The following ZNF665 variants were observed in gnomAD, a reference collection of about 807,000 sequenced individuals.
ZNF665 encodes the protein zinc finger protein 665.
A neutral mutation model predicts 7.9 loss-of-function variants in ZNF665; 6 were observed. The observed-to-expected ratio is 0.76, with a 90% CI of 0.42 to 1.50. The LOEUF (loss-of-function observed/expected upper bound fraction) is 1.50, where lower values mean the gene tolerates loss of function less well. Among genes scored for constraint, ZNF665 ranks in the 40% most tolerant of loss-of-function variants. The pLI is 0.01. For synonymous variants in ZNF665, 242 were observed against 274.5 expected (o/e 0.88, Z 1.17); for missense variants, 819 against 806.7 (o/e 1.02, Z -0.18).
chr19:53,180,881 C>G (rs1167747014), intron 2 of ZNF665: 1 of 151,918 alleles, frequency 6.6e-6, no homozygotes, highest in Non-Finnish European at 1.5e-5. Flanking sequence ...TAACAAAAGC[C>G]CAATGGAGGT....
chr19:53,191,411 C>T lies in ZNF665; in HGVS notation c.-46+1901G>A, dbSNP rs116521127. On this transcript the variant is annotated intron_variant, in intron 1 of 3. Transcript: ENST00000396424. ...TAACTGAATGAGTCAAGTCACTGCT[C>T]TCTTAGAACAGAGATTGCAAATAGA... Among the ~76,000 whole-genome samples the T allele has an allele frequency of 6.6e-3, 1,006 of 152,326 alleles. 9 individuals are homozygous for T. The highest frequency in any genetic ancestry group is 0.023 in the African/African-American group (956 of 41,572).
chr19:53,172,302 G>A (rs1033388013), intron 3 of ZNF665, among the ~76,000 whole-genome samples: 1 of 152,070 alleles, frequency 6.6e-6, no homozygotes, highest in African/African-American at 2.4e-5. Flanking sequence ...GGGATTGCTG[G>A]ATAATATAGT....
At chr19:53,183,107 G>T in intron 1 of ZNF665, 164 bp from the exon 2 acceptor site, 1 of 782,266 alleles carries the variant, frequency 1.3e-6, no homozygotes, top group Non-Finnish European at 2.1e-6. Context: ...CACCAGAAAA[G>T]ATGCAGGGAT....
intron 3 of ZNF665, among the ~76,000 whole-genome samples, chr19:53,170,301 A>G (rs1264367047): frequency 6.6e-6 from 1 of 152,206 alleles, no homozygotes; most frequent in Non-Finnish European, 1.5e-5. Context: ...ACAGGTGTAT[A>G]TATTTATGGG....
chr19:53,165,603 C>T lies in ZNF665; in HGVS notation c.887G>A (p.Gly296Asp), dbSNP rs2090605594. Residue 296 changes from glycine to aspartate, a missense_variant, in exon 4 of 4, where the codon GGC (glycine) becomes GAC (aspartate). By Grantham distance (94) the Gly-to-Asp change is moderately conservative. Transcript: ENST00000396424. ...GEKPYKCKEC[G>D]KCFTQNSHLA... ...GTGTGAATTTTGAGTGAAGCACTTG[C>T]CACATTCCTTACATTTGTAAGGTTT... The T allele has an allele frequency of 6.2e-7, 1 of 1,614,014 alleles. No homozygotes were observed. Among genetic ancestry groups the T allele is most frequent in the African/African-American group, 1.3e-5 (1 of 74,982 alleles).
rs1404459030 is a variant in ZNF665 at position 53,162,789 on chromosome 19, GT to G, written c.*1663del. 1 of 151,054 alleles carries G rather than the reference GT, an allele frequency of 6.6e-6. No homozygotes were observed. Among genetic ancestry groups the G allele is most frequent in the Non-Finnish European group, 1.5e-5 (1 of 67,932 alleles). 9.4% of individuals were successfully genotyped at this position (151,054 alleles called of 1,614,324 possible). On this transcript the variant is annotated 3_prime_UTR_variant, in exon 4 of 4. Coordinates refer to ENST00000396424, the MANE Select transcript of ZNF665 (RefSeq NM_024733.5). ...AATCGCTAAAACCCAGGAGGCGGAG[GT>G]TGCGGTGAGCTGAGATTGCATCACT...
rs774199607 is a variant in ZNF665, at chr19:53,166,167, T to C, written c.323A>G (p.Asn108Ser). Residue 108 changes from asparagine (N) to serine (S), a missense_variant, in exon 4 of 4, where the codon AAT (asparagine) becomes AGT (serine). Physicochemically the swap from Asn to Ser is conservative, Grantham distance 46. Transcript: ENST00000396424. Reference protein sequence around the residue: ...FECQWKDDEGNYKTVLMLQKE... With the variant: ...FECQWKDDEGSYKTVLMLQKE... ...TTGCAACATAAGTACTGTTTTATAA[T>C]TTCCTTCATCATCTTTCCACTGACA... is the stretch of plus-strand genomic sequence containing the variant. 126 of 1,613,828 alleles carry C rather than the reference T, an allele frequency of 7.8e-5. No individual in the cohort carries two copies. The highest frequency in any genetic ancestry group is 1.0e-4 in the Non-Finnish European group (123 of 1,179,900).
At chr19:53,169,258 G>A (rs1044331920) in intron 3 of ZNF665, among the ~76,000 whole-genome samples, 1 of 151,850 alleles carries the variant, frequency 6.6e-6, no homozygotes, top group Non-Finnish European at 1.5e-5. Context: ...AAAATGATTT[G>A]AACATACACT....
At chr19:53,190,299 C>G (rs1200080825) in intron 1 of ZNF665, 1 of 152,152 alleles carries the variant, frequency 6.6e-6, no homozygotes, top group East Asian at 1.9e-4. Context: ...TGGGTGGGCC[C>G]GTTGGAGAGC....
At chr19:53,179,377 CAAAAAAAAAA>C (rs35184690) in intron 2 of ZNF665, among the ~76,000 whole-genome samples, 1 of 70,418 alleles carries the variant, frequency 1.4e-5, no homozygotes, top group African/African-American at 5.8e-5. Context: ...GATTCCGTCT[CAAAAAAAAAA>C]AAAAAAAAAA....
In ZNF665 at chr19:53,164,870, T is replaced by C; in HGVS notation, c.1620A>G (p.Lys540=). The change falls in exon 4 of 4, where the codon AAA becomes AAG. Residue 540 remains lysine (K), a synonymous_variant. Transcript: ENST00000396424. ...TIHQTIHTGQ[K]PYKCNDCGKV... ...TGCCGCAATCATTACATTTGTATGG[T>C]TTTTGTCCAGTATGTATTGTCTGAT... 6.2e-7 allele frequency: 1 copy of C among 1,614,094 alleles called. No individual in the cohort carries two copies. Among genetic ancestry groups the C allele is most frequent in the Non-Finnish European group, 8.5e-7 (1 of 1,180,020 alleles).
Position 53,162,425 on chromosome 19 carries a change from TATAAA to T in ZNF665, c.*2023_*2027del, listed in dbSNP as rs1317941752. The T allele has an allele frequency of 6.6e-6, 1 of 152,230 alleles. No homozygotes were observed. The highest frequency in any genetic ancestry group is 2.4e-5 in the African/African-American group (1 of 41,462). 9.4% of individuals were successfully genotyped at this position (152,230 alleles called of 1,614,324 possible). On this transcript the variant is annotated 3_prime_UTR_variant, in exon 4 of 4. Transcript: ENST00000396424. ...TGGCAAGAAATGATTCATTCATACT[TATAAA>T]ATACATCAAATTTTATTAGTTAAAA...
At chr19:53,180,327 G>C (rs954740080) in intron 2 of ZNF665, among the ~76,000 whole-genome samples, 2 of 151,960 alleles carry the variant, frequency 1.3e-5, no homozygotes, top group Admixed American at 1.3e-4. Context: ...CAGCTACTCG[G>C]GAGGCTGAGG....
chr19:53,178,813 CTTTGCATAAAGTAGTATAATATAG>C (rs1198161812), intron 2 of ZNF665, among the ~76,000 whole-genome samples: 7 of 152,260 alleles, frequency 4.6e-5, no homozygotes, highest in Admixed American at 2.0e-4. Flanking sequence ...GTGTCTGTCT[CTTTGCATAAAGTAGTATAATATAG>C]TTTGCATAAA....
intron 1 of ZNF665, among the ~76,000 whole-genome samples, chr19:53,183,179 T>C (rs115823236): frequency 0.013 from 1,921 of 152,110 alleles, 48 homozygotes; most frequent in African/African-American, 0.043. Context: ...CCCACTCCCC[T>C]CCTGGAGAAG....
chr19:53,180,382 G>A (rs1018027151), intron 2 of ZNF665, among the ~76,000 whole-genome samples: 19 of 151,586 alleles, frequency 1.3e-4, no homozygotes, highest in African/African-American at 3.2e-4. Context: ...GCAGTGAGCC[G>A]AGATTGCGCC....
intron 1 of ZNF665, among the ~76,000 whole-genome samples, chr19:53,185,628 T>C (rs951380447): frequency 1.3e-5 from 2 of 151,998 alleles, no homozygotes; most frequent in African/African-American, 4.8e-5. Context: ...GCCACCCACA[T>C]TGGGTGTGGA....
intron 2 of ZNF665, chr19:53,182,462 C>T: frequency 2.0e-6 from 1 of 508,296 alleles, no homozygotes; most frequent in Non-Finnish European, 3.5e-6. Context: ...GGTGACAAAG[C>T]TTTCCCCACA....
chr19:53,189,701 T>C (rs896738937), intron 1 of ZNF665, among the ~76,000 whole-genome samples: 1 of 148,840 alleles, frequency 6.7e-6, no homozygotes, highest in Admixed American at 6.7e-5. Context: ...TCCGGATAAC[T>C]GCGGGCGAGC....
Sources: gnomAD v4.1 joint callset for allele counts (sites outside exome capture counted in the v4.1 genomes callset) on GRCh38, gnomAD v4.1.1 for gene constraint, MANE v1.5 for transcripts, NCBI Gene and HGNC (gene_info 2026-07-23, HGNC 2026-07-21) for gene names.